NRG3: variants seen among roughly 807,000 people sequenced by gnomAD.
NRG3 encodes the protein pro-neuregulin-3, membrane-bound isoform.
Under a neutral mutation model 66.9 loss-of-function variants are expected in NRG3, and 31 were observed. The observed-to-expected ratio is 0.46, with a 90% CI of 0.35 to 0.63. The LOEUF is 0.63. NRG3 is among the 20% of genes least tolerant of loss of function. The pLI is 0.00. For synonymous variants in NRG3, 393 were observed against 359.4 expected, an observed-to-expected ratio of 1.09 and a Z score of -1.06; for missense variants, 910 against 878.9, an observed-to-expected ratio of 1.04 and a Z score of -0.45.
At chr10:82,833,700 C>A (rs1221020880) in intron 3 of NRG3, among the ~76,000 whole-genome samples, 2 of 152,136 alleles carry the variant, frequency 1.3e-5, no homozygotes, top group Non-Finnish European at 1.5e-5. Flanking sequence ...CCTGCCTGGG[C>A]ACAACACCTT....
At chr10:82,030,042 C>T (rs1022909458) in intron 1 of NRG3, among the ~76,000 whole-genome samples, 1 of 152,094 alleles carries the variant, frequency 6.6e-6, no homozygotes, top group East Asian at 1.9e-4. Context: ...GTAAGGGGAA[C>T]TCTGACAGGA....
In NRG3 at chr10:82,329,457, A is replaced by T. The variant is rs1236264220; in HGVS notation, c.824-29282A>T. 2.9e-3 allele frequency among the ~76,000 whole-genome samples: 360 copies of T among 124,592 alleles called. 3 individuals are homozygous for T. The highest frequency in any genetic ancestry group is 8.5e-3 in the African/African-American group (285 of 33,486). 81.7% of individuals were successfully genotyped at this position (124,592 alleles called of 152,430 possible). ...TCTTGGTTTTTTTTTTTTTTTTTTTAAAGAAAAAAAAGAATTACTGGAAAT... is the reference window on the plus strand; with the variant it reads ...TCTTGGTTTTTTTTTTTTTTTTTTTTAAGAAAAAAAAGAATTACTGGAAAT... On this transcript the variant is annotated intron_variant, in intron 1 of 8. Transcript: ENST00000372141.
intron 2 of NRG3, among the ~76,000 whole-genome samples, chr10:82,414,731 T>C (rs2088406893): frequency 6.6e-6 from 1 of 152,154 alleles, no homozygotes; most frequent in Non-Finnish European, 1.5e-5. Flanking sequence ...ACAGAAGATA[T>C]ATGTGTGTGA....
chr10:81,889,241 T>C (rs1842842502), intron 1 of NRG3: 1 of 152,338 alleles, frequency 6.6e-6, no homozygotes, highest in Admixed American at 6.5e-5. Flanking sequence ...ATCACCCTTC[T>C]GGTTCCATCT....
chr10:82,924,086 C>CAAAAAAA (rs3075657), intron 4 of NRG3, among the ~76,000 whole-genome samples: 2 of 69,274 alleles, frequency 2.9e-5, no homozygotes, highest in African/African-American at 1.1e-4. Flanking sequence ...GAGACTGTCT[C>CAAAAAAA]AAAAAAAAAA....
At chr10:81,915,979 T>G (rs186927014) in intron 1 of NRG3, among the ~76,000 whole-genome samples, 2 of 152,128 alleles carry the variant, frequency 1.3e-5, no homozygotes, top group Admixed American at 6.5e-5. Flanking sequence ...TAAAAAGAAA[T>G]AGACAAATTA....
chr10:81,980,600 A>T (rs974184974), intron 1 of NRG3, among the ~76,000 whole-genome samples: 1 of 152,212 alleles, frequency 6.6e-6, no homozygotes, highest in African/African-American at 2.4e-5. Context: ...CTATATACAA[A>T]ATGGAATCTG....
intron 4 of NRG3, among the ~76,000 whole-genome samples, chr10:82,906,858 T>C (rs1185897068): frequency 6.6e-6 from 1 of 152,166 alleles, no homozygotes; most frequent in African/African-American, 2.4e-5. Context: ...GGAGGAATAT[T>C]GAATCTAGTG....
chr10:82,951,473 TGAA>T lies in NRG3; in HGVS notation c.1064_1066del (p.Glu355del). ...TTTTGTTTTTCAAATTCACAGAGAG[TGAA>T]GAAGTTTATCAAAGGCAGGTGCTGT... On this transcript the variant is annotated inframe_deletion, in exon 5 of 9. Coordinates refer to ENST00000372141, the MANE Select transcript of NRG3 (RefSeq NM_001010848.4). 2 of 1,612,872 alleles carry T rather than the reference TGAA, an allele frequency of 1.2e-6. No homozygotes were observed. The highest frequency in any genetic ancestry group is 1.7e-5 in the Admixed American group (1 of 59,974).
intron 1 of NRG3, among the ~76,000 whole-genome samples, chr10:82,193,068 G>T (rs1037910565): frequency 6.6e-6 from 1 of 152,054 alleles, no homozygotes; most frequent in African/African-American, 2.4e-5. Flanking sequence ...TTATAATAAA[G>T]AATTAGATAT....
intron 2 of NRG3, among the ~76,000 whole-genome samples, chr10:82,708,129 T>C (rs138292878): frequency 0.011 from 1,646 of 152,300 alleles, 29 homozygotes; most frequent in African/African-American, 0.038. Context: ...ACGAATACTC[T>C]GCTATTTTTT....
intron 2 of NRG3, among the ~76,000 whole-genome samples, chr10:82,433,671 A>G (rs2136348775): frequency 6.6e-6 from 1 of 152,304 alleles, no homozygotes; most frequent in East Asian, 1.9e-4. Flanking sequence ...GCATATGGCT[A>G]GCAAGTTTTC....
At position 82,706,925 on chromosome 10, in the gene NRG3, C is replaced by T. The variant is rs190355008; in HGVS notation, c.954-31652C>T. On this transcript the variant is annotated intron_variant, in intron 2 of 8. Transcript: ENST00000372141. ...AGGAGAACTGCATGAACCCAGGAGG[C>T]GGAGGTTGCAGTGAGCTGAGATCGC... Among the ~76,000 whole-genome samples the T allele has an allele frequency of 4.2e-3, 632 of 151,032 alleles. 4 individuals carry two copies. The highest frequency in any genetic ancestry group is 0.014 in the African/African-American group (567 of 41,050).
chr10:82,798,097 C>T (rs997241706), intron 3 of NRG3, among the ~76,000 whole-genome samples: 5 of 151,956 alleles, frequency 3.3e-5, no homozygotes, highest in Admixed American at 2.6e-4. Context: ...CTTTGAGAAC[C>T]TACTTGAAAA....
At chr10:82,673,753 C>T (rs949514406) in intron 2 of NRG3, among the ~76,000 whole-genome samples, 2 of 152,150 alleles carry the variant, frequency 1.3e-5, no homozygotes, top group South Asian at 2.1e-4. Flanking sequence ...ACTTTGCAGT[C>T]GGGATCCATG....
chr10:82,971,729 G>A (rs1851760791), intron 6 of NRG3, among the ~76,000 whole-genome samples: 1 of 152,100 alleles, frequency 6.6e-6, no homozygotes, highest in South Asian at 2.1e-4. Context: ...GAGCCACCGT[G>A]CCTAGCCTGA....
chr10:81,922,501 A>G (rs1427524742), intron 1 of NRG3, among the ~76,000 whole-genome samples: 1 of 152,206 alleles, frequency 6.6e-6, no homozygotes, highest in Admixed American at 6.5e-5. Flanking sequence ...TAGTGTGAAC[A>G]TGCAGTATTT....
intron 1 of NRG3, among the ~76,000 whole-genome samples, chr10:82,248,086 C>G (rs1459709010): frequency 6.6e-6 from 1 of 152,140 alleles, no homozygotes; most frequent in Non-Finnish European, 1.5e-5. Context: ...TCTTATTACT[C>G]ATCCACTCTT....
intron 1 of NRG3, among the ~76,000 whole-genome samples, chr10:82,181,489 T>C (rs1408449259): frequency 6.6e-6 from 1 of 151,884 alleles, no homozygotes; most frequent in Non-Finnish European, 1.5e-5. Flanking sequence ...AAGATATTTC[T>C]AATTTCCCAT....
Sources: gnomAD v4.1 joint callset for allele counts (sites outside exome capture counted in the v4.1 genomes callset) on GRCh38, gnomAD v4.1.1 for gene constraint, MANE v1.5 for transcripts, NCBI Gene and HGNC (gene_info 2026-07-23, HGNC 2026-07-21) for gene names.